Variants in FRMD3 observed in about 807,000 individuals in gnomAD.
The protein encoded by FRMD3 is FERM domain-containing protein 3.
Under a neutral mutation model 70.2 loss-of-function variants are expected in FRMD3, and 33 were observed. The ratio of observed to expected loss-of-function variants is 0.47; its 90% confidence interval spans 0.36 to 0.63. The LOEUF (loss-of-function observed/expected upper bound fraction) is 0.63. FRMD3 is among the 20% of genes least tolerant of loss of function. FRMD3 has a pLI of 0.00. For synonymous variants in FRMD3, 279 were observed against 255.9 expected (o/e 1.09, Z -0.86); for missense variants, 632 against 711.4 (o/e 0.89, Z 1.27).
intron 13 of FRMD3, among the ~76,000 whole-genome samples, chr9:83,283,550 AAT>A (rs1365078192): frequency 1.8e-4 from 2 of 11,396 alleles, no homozygotes; most frequent in African/African-American, 1.2e-4. Context: ...AAAAAAAAAT[AAT>A]AATAATAATA....
In FRMD3 at chr9:83,274,511, G is replaced by A. The variant is rs141089585; in HGVS notation, c.1195+16092C>T. On this transcript the variant is annotated intron_variant, in intron 13 of 13. Transcript: ENST00000304195. ...TTGAGAAATCAGTATCAATTTACCT[G>A]GTGCAGCAAGGAAAAGAAAAAAGAA... Among the ~76,000 whole-genome samples, 291 of 152,258 alleles carry A rather than the reference G, an allele frequency of 1.9e-3. 1 individual carries two copies. Among genetic ancestry groups the A allele is most frequent in the African/African-American group, 6.7e-3 (280 of 41,536 alleles).
chr9:83,348,752 G>A (rs193063980), intron 4 of FRMD3, among the ~76,000 whole-genome samples: 315 of 151,772 alleles, frequency 2.1e-3, no homozygotes, highest in Non-Finnish European at 3.6e-3. Flanking sequence ...CATCTCCCAC[G>A]CCCAGCACAA....
chr9:83,249,348 T>C (rs1234554378), intron 13 of FRMD3, among the ~76,000 whole-genome samples: 1 of 152,184 alleles, frequency 6.6e-6, no homozygotes, highest in Non-Finnish European at 1.5e-5. Context: ...ATTTTACTGA[T>C]GGGAAATCGA....
chr9:83,487,276 C>A (rs1358728355), intron 1 of FRMD3, among the ~76,000 whole-genome samples: 1 of 152,130 alleles, frequency 6.6e-6, no homozygotes, highest in Non-Finnish European at 1.5e-5. Flanking sequence ...GTGAATCAGG[C>A]AGGCTTTGTT....
At chr9:83,521,479 C>T (rs1414526283) in intron 1 of FRMD3, among the ~76,000 whole-genome samples, 1 of 152,180 alleles carries the variant, frequency 6.6e-6, no homozygotes, top group Non-Finnish European at 1.5e-5. Flanking sequence ...AAATGAGACC[C>T]TGTCACCACC....
chr9:83,301,677 T>C (rs1834935119), intron 10 of FRMD3, among the ~76,000 whole-genome samples: 1 of 152,256 alleles, frequency 6.6e-6, no homozygotes, highest in African/African-American at 2.4e-5. Flanking sequence ...TTTCACTAGT[T>C]TGGCCTTAGC....
At chr9:83,269,602 G>C (rs979401360) in intron 13 of FRMD3, among the ~76,000 whole-genome samples, 5 of 152,002 alleles carry the variant, frequency 3.3e-5, no homozygotes, top group East Asian at 1.9e-4. Flanking sequence ...CCAGGTACTC[G>C]GGAGGCTGAG....
At position 83,520,970 on chromosome 9, in the gene FRMD3, C is replaced by CAAAAAAAAAAAAAAAAAAA. The variant is rs144061788; in HGVS notation, c.147+17096_147+17114dup. On this transcript the variant is annotated intron_variant, in intron 1 of 13. Coordinates refer to ENST00000304195, the MANE Select transcript of FRMD3 (RefSeq NM_174938.6). ...TGAAACCCTGTGTCTACTAAAAATA[C>CAAAAAAAAAAAAAAAAAAA]AAAAAAAAAAAAAAAAAAAAAAGCC... is the stretch of plus-strand genomic sequence containing the variant. Among the ~76,000 whole-genome samples the CAAAAAAAAAAAAAAAAAAA allele has an allele frequency of 5.3e-5, 3 of 56,126 alleles. 1 individual carries two copies. The highest frequency in any genetic ancestry group is 1.0e-4 in the Non-Finnish European group (3 of 29,786). 36.8% of individuals were successfully genotyped at this position (56,126 alleles called of 152,430 possible).
intron 5 of FRMD3, 51 bp downstream of exon 5, chr9:83,343,139 C>T: frequency 7.7e-7 from 1 of 1,306,768 alleles, no homozygotes; most frequent in African/African-American, 1.5e-5. Flanking sequence ...CTTGAAACAG[C>T]CAGAGCTCCA....
chr9:83,259,979 C>T (rs553137702), intron 13 of FRMD3, among the ~76,000 whole-genome samples: 1 of 152,236 alleles, frequency 6.6e-6, no homozygotes, highest in East Asian at 1.9e-4. Flanking sequence ...CCTAAGACAC[C>T]TGGACTCAGG....
chr9:83,498,008 C>T (rs748021447), intron 1 of FRMD3, among the ~76,000 whole-genome samples: 4 of 151,926 alleles, frequency 2.6e-5, no homozygotes, highest in Non-Finnish European at 5.9e-5. Flanking sequence ...ATTAGCCAGG[C>T]ATGGTGGTGG....
At chr9:83,378,279 G>C (rs1362865229) in intron 2 of FRMD3, among the ~76,000 whole-genome samples, 1 of 59,344 alleles carries the variant, frequency 1.7e-5, no homozygotes, top group East Asian at 3.8e-4. Flanking sequence ...TGTTTTTTTT[G>C]AGACAGAGTC....
intron 4 of FRMD3, among the ~76,000 whole-genome samples, chr9:83,346,467 G>A (rs1373038482): frequency 1.8e-4 from 27 of 152,070 alleles, no homozygotes; most frequent in Non-Finnish European, 1.5e-5. Flanking sequence ...TGCATGCTTT[G>A]ATTTATATGA....
chr9:83,506,506 G>T (rs1439363311), intron 1 of FRMD3, among the ~76,000 whole-genome samples: 1 of 152,160 alleles, frequency 6.6e-6, no homozygotes, highest in Non-Finnish European at 1.5e-5. Context: ...AAGCACTTGT[G>T]TATCTAAACA....
intron 13 of FRMD3, among the ~76,000 whole-genome samples, chr9:83,254,533 T>A (rs1832600249): frequency 6.8e-6 from 1 of 146,306 alleles, no homozygotes; most frequent in East Asian, 2.0e-4. Context: ...ATAACCAAGA[T>A]CAGAGAGAAG....
chr9:83,257,656 TA>T (rs35164037), intron 13 of FRMD3, among the ~76,000 whole-genome samples: 43 of 147,014 alleles, frequency 2.9e-4, no homozygotes, highest in South Asian at 8.6e-4. Context: ...TCTCTTTCTC[TA>T]AAAAAAAAAG....
At chr9:83,558,289 C>A in the FRMD3 span, among the ~76,000 whole-genome samples, 1 of 151,898 alleles carries the variant, frequency 6.6e-6, no homozygotes, top group African/African-American at 2.4e-5. Context: ...CGCGCGCGCA[C>A]GCACATGTGC....
chr9:83,452,404 A>C (rs753598730), intron 1 of FRMD3, among the ~76,000 whole-genome samples: 2 of 152,300 alleles, frequency 1.3e-5, no homozygotes, highest in African/African-American at 2.4e-5. Context: ...AGTTGGTCTA[A>C]TTTCAAATCC....
At chr9:83,345,443 T>C (rs908006324) in intron 4 of FRMD3, among the ~76,000 whole-genome samples, 1 of 152,136 alleles carries the variant, frequency 6.6e-6, no homozygotes, top group African/African-American at 2.4e-5. Context: ...TTGGATGGGC[T>C]TGAGATTCTG....
Sources: allele counts gnomAD v4.1 joint callset (sites outside exome capture counted in the v4.1 genomes callset), GRCh38; gene constraint gnomAD v4.1.1; transcripts MANE v1.5; gene names NCBI Gene and HGNC (gene_info 2026-07-23, HGNC 2026-07-21).